Variants in ACAN observed in about 807,000 individuals in gnomAD.
ACAN encodes aggrecan, also known as aggrecan core protein.
ACAN carries 47 observed loss-of-function variants against 169.1 expected under a neutral mutation model. The observed-to-expected ratio is 0.28, with a 90% CI of 0.22 to 0.35. The LOEUF is 0.35. Ranked by LOEUF, ACAN falls within the 10% of genes least tolerant of loss-of-function variation. The pLI is 1.00. For synonymous variants in ACAN, 1,115 were observed against 1,112.2 expected, an observed-to-expected ratio of 1.00 and a Z score of -0.05; for missense variants, 2,716 against 2,759.9, an observed-to-expected ratio of 0.98 and a Z score of 0.36.
chr15:88,860,479 G>C (rs559021246), intron 13 of ACAN, 40 bp downstream of exon 13: 6 of 1,561,462 alleles, frequency 3.8e-6, no homozygotes, highest in Non-Finnish European at 4.4e-6. Context: ...GGGCGGAGGC[G>C]CTGGACAGAC....
At chr15:88,812,716 C>G (rs1402272039) in intron 1 of ACAN, among the ~76,000 whole-genome samples, 2 of 152,106 alleles carry the variant, frequency 1.3e-5, no homozygotes, top group Non-Finnish European at 2.9e-5. Context: ...AAACAAACAC[C>G]CCCACTCCCA....
chr15:88,836,686 G>A (rs1896511964), intron 2 of ACAN, among the ~76,000 whole-genome samples: 1 of 152,206 alleles, frequency 6.6e-6, no homozygotes, highest in African/African-American at 2.4e-5. Context: ...AGGTCACTTG[G>A]GAGACAGCCA....
intron 1 of ACAN, among the ~76,000 whole-genome samples, chr15:88,809,289 G>C (rs1251757071): frequency 1.3e-5 from 2 of 152,100 alleles, no homozygotes; most frequent in African/African-American, 4.8e-5. Flanking sequence ...CAGTGTGTGT[G>C]GTGGGAGGAG....
Position 88,869,437 on chromosome 15 carries a change from A to G in ACAN, c.7060+1108A>G, listed in dbSNP as rs910946078. 1.3e-5 allele frequency among the ~76,000 whole-genome samples: 2 copies of G among 152,138 alleles called. No homozygotes were observed. Among genetic ancestry groups the G allele is most frequent in the South Asian group, 2.1e-4 (1 of 4,822 alleles). ...AGGAACTTAAGACTTTTGGGAAAAA[A>G]AAGGCCTGGACACTCCTACTCCCTT... On this transcript the variant is annotated intron_variant, in intron 14 of 18. Transcript: ENST00000560601. This position sits in a 1 kb window ranked among gnomAD's most constrained non-coding sequence, Gnocchi z 4.2.
Position 88,823,413 on chromosome 15 carries a change from GT to G in ACAN, c.-7-12776del, listed in dbSNP as rs111670752. On this transcript the variant is annotated intron_variant, in intron 1 of 18. Transcript: ENST00000560601. ...TGGTACTAGTTTTGGTTTTTTGGTGGTTTTTTTTTTTCTTGTTTTTTCTCAC... is the reference window on the plus strand; with the variant it reads ...TGGTACTAGTTTTGGTTTTTTGGTGGTTTTTTTTTTCTTGTTTTTTCTCAC... 1.5e-3 allele frequency among the ~76,000 whole-genome samples: 229 copies of G among 148,246 alleles called. 2 individuals are homozygous for G. Among genetic ancestry groups the G allele is most frequent in the African/African-American group, 4.2e-3 (169 of 40,638 alleles).
chr15:88,825,968 G>A (rs530372503), intron 1 of ACAN, among the ~76,000 whole-genome samples: 10 of 152,284 alleles, frequency 6.6e-5, no homozygotes, highest in African/African-American at 1.9e-4. Context: ...AAACAGCTCC[G>A]TGGGCTGATT....
chr15:88,811,999 A>G (rs1895833453), intron 1 of ACAN, among the ~76,000 whole-genome samples: 1 of 152,100 alleles, frequency 6.6e-6, no homozygotes, highest in African/African-American at 2.4e-5. Flanking sequence ...ACTTGTCAAT[A>G]TTTTGACAGA....
intron 1 of ACAN, among the ~76,000 whole-genome samples, chr15:88,828,130 G>A (rs914043112): frequency 6.6e-6 from 1 of 152,182 alleles, no homozygotes; most frequent in African/African-American, 2.4e-5. Context: ...TCAGGCTGGG[G>A]GAGGTTTCCA....
At chr15:88,816,470 G>T (rs2141504173) in intron 1 of ACAN, among the ~76,000 whole-genome samples, 1 of 152,308 alleles carries the variant, frequency 6.6e-6, no homozygotes, top group East Asian at 1.9e-4. Flanking sequence ...GAATGCCATT[G>T]TATGATCTGA....
intron 1 of ACAN, among the ~76,000 whole-genome samples, chr15:88,820,164 C>A (rs771496729): frequency 6.6e-6 from 1 of 152,116 alleles, no homozygotes; most frequent in African/African-American, 2.4e-5. Flanking sequence ...TTTTAAAGGA[C>A]GTAGTTGTGA....
chr15:88,812,629 G>C (rs1477377656), intron 1 of ACAN, among the ~76,000 whole-genome samples: 1 of 151,948 alleles, frequency 6.6e-6, no homozygotes, highest in Non-Finnish European at 1.5e-5. Context: ...TGCATGGCTG[G>C]TTCATTCTGG....
At position 88,858,478 on chromosome 15, in the gene ACAN, A is replaced by C; in HGVS notation, c.5893A>C (p.Ser1965Arg). 1.2e-6 allele frequency: 2 copies of C among 1,613,752 alleles called. No homozygotes were observed. The highest frequency in any genetic ancestry group is 8.5e-7 in the Non-Finnish European group (1 of 1,179,886). Residue 1965 changes from serine to arginine, a missense_variant, in exon 12 of 19, where the codon AGT becomes CGT. Transcript: ENST00000560601. The surrounding 1 kb of genome is among the most constrained non-coding windows in gnomAD (Gnocchi z 4.0). ...GEGPSGILEL[S>R]GAHSGAPDMS... ...AGGGCCTTCTGGCATTTTAGAACTC[A>C]GTGGTGCTCATTCTGGAGCACCAGA...
At chr15:88,863,061 C>CA (rs1414160947) in intron 13 of ACAN, among the ~76,000 whole-genome samples, 1 of 150,030 alleles carries the variant, frequency 6.7e-6, no homozygotes, top group Non-Finnish European at 1.5e-5. Flanking sequence ...CCATAGGGAG[C>CA]AAAATGCAGC....
At chr15:88,865,215 C>A (rs993277019) in intron 13 of ACAN, among the ~76,000 whole-genome samples, 2 of 152,206 alleles carry the variant, frequency 1.3e-5, no homozygotes, top group Non-Finnish European at 2.9e-5. Flanking sequence ...TGATGCTCCC[C>A]AGAGTCCCTG....
rs1230932339 is a variant in ACAN, at chr15:88,855,375, C to A, written c.2790C>A (p.Ser930Arg). The change falls in exon 12 of 19, where the codon AGC (serine) becomes AGA (arginine). Residue 930 changes from serine (S) to arginine (R), a missense_variant. By Grantham distance (110) the Ser-to-Arg change is moderately radical. Around this residue, in one of 3 missense-constraint regions of ACAN, gnomAD observed 1,283 missense variants for 1,281.5 expected, o/e 1.00. Coordinates refer to ENST00000560601, the MANE Select transcript of ACAN (RefSeq NM_001369268.1). The stretch of plus-strand genomic sequence containing the variant: ...ATGAAGAGAGAATTGAGTGGCCCAG[C>A]ACTCCTACGGTTGGTGAACTGCCCT... ...SGDEERIEWP[S>R]TPTVGELPSG... The A allele has an allele frequency of 6.2e-7, 1 of 1,612,874 alleles. No homozygotes were observed. Among genetic ancestry groups the A allele is most frequent in the Non-Finnish European group, 8.5e-7 (1 of 1,179,168 alleles).
At position 88,810,601 on chromosome 15, in the gene ACAN, G is replaced by A. The variant is rs183721921; in HGVS notation, c.-8+6792G>A. Among the ~76,000 whole-genome samples, 3 of 152,256 alleles carry A rather than the reference G, an allele frequency of 2.0e-5. No homozygotes were observed. The East Asian group carries it at 5.8e-4, about 29-fold the overall frequency. On this transcript the variant is annotated intron_variant, in intron 1 of 18. Transcript: ENST00000560601. ...TGCATATCCAGATGGCTCAGGGGAAGCCTGGATTCTAGGATGACTCAGGCA... is the reference window on the plus strand; with the variant it reads ...TGCATATCCAGATGGCTCAGGGGAAACCTGGATTCTAGGATGACTCAGGCA...
chr15:88,835,494 G>A (rs1372305085), intron 1 of ACAN, among the ~76,000 whole-genome samples: 1 of 152,164 alleles, frequency 6.6e-6, no homozygotes, highest in Non-Finnish European at 1.5e-5. Flanking sequence ...AAGTCCCAAG[G>A]TCTGCATGAT....
chr15:88,817,030 C>T (rs895187353), intron 1 of ACAN, among the ~76,000 whole-genome samples: 2 of 152,226 alleles, frequency 1.3e-5, no homozygotes, highest in Admixed American at 6.5e-5. Flanking sequence ...CGGCTGCCAC[C>T]TTGGTCACTG....
chr15:88,841,772 A>T lies in ACAN; in HGVS notation c.662A>T (p.Tyr221Phe). ...ATCCACACTCCCCGGGAAGGCTGCT[A>T]TGGAGACAAGGATGAGTTTCCTGGT... The part of the protein sequence containing the change: ...YPIHTPREGC[Y>F]GDKDEFPGVR... The change falls in exon 5 of 19, where the codon TAT becomes TTT. Residue 221 changes from tyrosine to phenylalanine, a missense_variant. This residue lies in a region of ACAN where 1,283 missense variants were observed against 1,281.5 expected (regional missense o/e 1.00). Transcript: ENST00000560601. 6.2e-7 allele frequency: 1 copy of T among 1,613,388 alleles called. No individual in the cohort carries two copies. Among genetic ancestry groups the T allele is most frequent in the Non-Finnish European group, 8.5e-7 (1 of 1,179,748 alleles).
Sources: gnomAD v4.1 joint callset for allele counts (sites outside exome capture counted in the v4.1 genomes callset) on GRCh38, gnomAD v4.1.1 for gene constraint, gnomAD v4.1.1 regional missense constraint, Gnocchi (gnomAD v3.1) non-coding constraint, MANE v1.5 for transcripts, NCBI Gene and HGNC (gene_info 2026-07-23, HGNC 2026-07-21) for gene names.